Variants in RAD52 observed in about 807,000 individuals in gnomAD.
RAD52 encodes DNA repair protein RAD52 homolog.
Under a neutral mutation model 55.5 loss-of-function variants are expected in RAD52, and 47 were observed. That is an observed-to-expected ratio of 0.85 (90% CI 0.67 to 1.08). The LOEUF is 1.08. Ranked by LOEUF, RAD52 falls within the 50% of genes least tolerant of loss-of-function variation. The pLI is 0.00. For synonymous variants in RAD52, 184 were observed against 198.9 expected, an observed-to-expected ratio of 0.92 and a Z score of 0.63; for missense variants, 468 against 522.8, an observed-to-expected ratio of 0.90 and a Z score of 1.02.
intron 1 of RAD52, among the ~76,000 whole-genome samples, chr12:980,337 A>G (rs1426665149): frequency 7.1e-6 from 1 of 141,148 alleles, no homozygotes; most frequent in African/African-American, 2.7e-5. Context: ...CTTGTCCCCC[A>G]GGCTGGAGTA....
At chr12:981,168 CAAA>C (rs35150113) in intron 1 of RAD52, among the ~76,000 whole-genome samples, 2 of 130,536 alleles carry the variant, frequency 1.5e-5, no homozygotes, top group African/African-American at 2.8e-5. Flanking sequence ...CCGTCTCTAC[CAAA>C]AAAAAAAAAA....
intron 1 of RAD52, among the ~76,000 whole-genome samples, chr12:984,661 C>T (rs1959062363): frequency 6.6e-6 from 1 of 151,620 alleles, no homozygotes; most frequent in Non-Finnish European, 1.5e-5. Flanking sequence ...CTGAATAATA[C>T]AAAAGACTTT....
rs533114272 is a variant in RAD52 at position 921,925 on chromosome 12, G to A, written c.543+3525C>T. On this transcript the variant is annotated intron_variant, in intron 7 of 11. Transcript: ENST00000358495. ...GTTCGAGACCAGCCTGACCAACATG[G>A]TGAAACCCCATCTCTACTAAAAATA... is the stretch of plus-strand genomic sequence containing the variant. Among the ~76,000 whole-genome samples the A allele has an allele frequency of 4.7e-4, 71 of 151,286 alleles. 1 individual carries two copies. Among genetic ancestry groups the A allele is most frequent in the Admixed American group, 2.6e-4 (4 of 15,184 alleles).
intron 1 of RAD52, among the ~76,000 whole-genome samples, chr12:956,974 A>T (rs907220462): frequency 6.6e-6 from 1 of 152,228 alleles, no homozygotes; most frequent in Admixed American, 6.5e-5. Context: ...CATTTAATAG[A>T]TGTTTCTGTA....
At chr12:974,672 A>G (rs372561961) in intron 1 of RAD52, 2 of 152,228 alleles carry the variant, frequency 1.3e-5, no homozygotes, top group African/African-American at 4.8e-5. Flanking sequence ...TCACTGCTCA[A>G]TAAGAATAGT....
chr12:924,341 C>A (rs1956907085), intron 7 of RAD52, among the ~76,000 whole-genome samples: 1 of 151,962 alleles, frequency 6.6e-6, no homozygotes, highest in Non-Finnish European at 1.5e-5. Flanking sequence ...ACCCAGGAGG[C>A]AGAGGTTGCA....
At chr12:947,324 C>T (rs1055311982) in intron 1 of RAD52, among the ~76,000 whole-genome samples, 3 of 68,714 alleles carry the variant, frequency 4.4e-5, no homozygotes, top group South Asian at 1.7e-3. Flanking sequence ...GAAACTCTGT[C>T]CCCCCAAAAA....
chr12:957,461 C>A (rs867697857), intron 1 of RAD52, among the ~76,000 whole-genome samples: 2 of 94,308 alleles, frequency 2.1e-5, no homozygotes, highest in Non-Finnish European at 4.1e-5. Flanking sequence ...AGTAAAACTT[C>A]GTCTCAAAAA....
chr12:925,258 G>A (rs1956969397), intron 7 of RAD52, among the ~76,000 whole-genome samples, 192 bp downstream of exon 7: 1 of 152,020 alleles, frequency 6.6e-6, no homozygotes. Flanking sequence ...CCCACATGAT[G>A]TACTTTAGAA....
chr12:913,274 A>G lies in RAD52; in HGVS notation c.*117T>C. The G allele has an allele frequency of 1.2e-6, 1 of 819,552 alleles. No individual in the cohort carries two copies. The highest frequency in any genetic ancestry group is 2.0e-6 in the Non-Finnish European group (1 of 497,830). 50.8% of individuals were successfully genotyped at this position (819,552 alleles called of 1,614,324 possible). On this transcript the variant is annotated 3_prime_UTR_variant, in exon 12 of 12. Transcript: ENST00000358495. ...ATCCTCTTGATAAGGTTCAGAATGA[A>G]GCAAGATAAATCGCAATGACGTTCA...
At chr12:936,915 C>T (rs1957665114) in intron 1 of RAD52, 1 of 152,208 alleles carries the variant, frequency 6.6e-6, no homozygotes, top group African/African-American at 2.4e-5. Flanking sequence ...TAACCAACTG[C>T]CCACAGGCAC....
intron 1 of RAD52, among the ~76,000 whole-genome samples, chr12:955,146 G>A (rs1050449377): frequency 1.3e-5 from 2 of 152,158 alleles, no homozygotes; most frequent in Non-Finnish European, 2.9e-5. Context: ...CCTATTGGGG[G>A]AACCACATAA....
intron 6 of RAD52, among the ~76,000 whole-genome samples, chr12:926,105 A>C (rs1041101211): frequency 1.3e-5 from 2 of 152,260 alleles, no homozygotes; most frequent in African/African-American, 4.8e-5. Flanking sequence ...GGTGGGAGGT[A>C]CTGGATCCTG....
intron 11 of RAD52, among the ~76,000 whole-genome samples, 169 bp downstream of exon 11, chr12:913,725 G>T (rs1214254019): frequency 6.6e-6 from 1 of 152,110 alleles, no homozygotes; most frequent in Non-Finnish European, 1.5e-5. Flanking sequence ...GGAGCCCAAA[G>T]GAAACGTTCT....
At chr12:926,410 G>A (rs906715127) in intron 6 of RAD52, among the ~76,000 whole-genome samples, 7 of 151,954 alleles carry the variant, frequency 4.6e-5, no homozygotes, top group Non-Finnish European at 4.4e-5. Context: ...AGGCTGAGGC[G>A]GGAAGATCAC....
rs1555177804 is a variant in RAD52, at chr12:944,770, C to CTTTCTTTT, written c.-19+4831_-19+4832insAAAAGAAA. Reference sequence around the variant, plus strand: ...TTATCACCTAAAAGCATTTTTCTTTCTTTTTTTTTTTTTTTGAGGAGTCTC... The same window carrying CTTTCTTTT: ...TTATCACCTAAAAGCATTTTTCTTTCTTTCTTTTTTTTTTTTTTTTTTTGAGGAGTCTC... On this transcript the variant is annotated intron_variant, in intron 1 of 11. Transcript: ENST00000358495. Among the ~76,000 whole-genome samples the CTTTCTTTT allele has an allele frequency of 6.4e-5, 9 of 140,206 alleles. 1 individual carries two copies. Among genetic ancestry groups the CTTTCTTTT allele is most frequent in the Non-Finnish European group, 1.2e-4 (8 of 64,042 alleles). 92.0% of individuals were successfully genotyped at this position (140,206 alleles called of 152,430 possible).
chr12:916,258 G>T, intron 9 of RAD52, 86 bp downstream of exon 9: 1 of 1,562,432 alleles, frequency 6.4e-7, no homozygotes, highest in East Asian at 2.3e-5. Flanking sequence ...AGCCGGCCCA[G>T]GGTTACCGCA....
chr12:944,762 T>TTTC (rs1958115254), intron 1 of RAD52, among the ~76,000 whole-genome samples: 1 of 143,582 alleles, frequency 7.0e-6, no homozygotes. Flanking sequence ...CTAAAAGCAT[T>TTTC]TTTCTTTCTT....
At chr12:968,519 TA>T (rs1335127554) in intron 1 of RAD52, among the ~76,000 whole-genome samples, 5 of 152,060 alleles carry the variant, frequency 3.3e-5, no homozygotes, top group Non-Finnish European at 5.9e-5. Flanking sequence ...TATCCAGGGC[TA>T]AAAAAATAAA....
Sources: allele counts gnomAD v4.1 joint callset (sites outside exome capture counted in the v4.1 genomes callset), GRCh38; gene constraint gnomAD v4.1.1; transcripts MANE v1.5; gene names NCBI Gene and HGNC (gene_info 2026-07-23, HGNC 2026-07-21).